The following HPGDS variants were observed in gnomAD, a reference collection of about 807,000 sequenced individuals.
HPGDS encodes the protein GST class-sigma.
Under a neutral mutation model 23.1 loss-of-function variants are expected in HPGDS, and 26 were observed. The observed-to-expected ratio is 1.13, with a 90% confidence interval of 0.83 to 1.56. HPGDS has a LOEUF of 1.56. Ranked by LOEUF, HPGDS falls within the 40% of genes most tolerant of loss-of-function variation. The probability of loss-of-function intolerance (pLI) is 0.00; values close to 1 mark genes in which losing one functional copy is unlikely to be tolerated. For missense variants in HPGDS, 268 were observed against 236.4 expected (o/e 1.13, Z -0.88); for synonymous variants, 95 against 77.9 (o/e 1.22, Z -1.16).
At chr4:94,337,100 G>A (rs1183908725) in intron 1 of HPGDS, among the ~76,000 whole-genome samples, 1 of 152,046 alleles carries the variant, frequency 6.6e-6, no homozygotes, top group Non-Finnish European at 1.5e-5. Context: ...GAGTAGCTGG[G>A]ATTACAGGCA....
chr4:94,310,411 TG>T (rs1756240319), intron 3 of HPGDS, among the ~76,000 whole-genome samples: 1 of 152,326 alleles, frequency 6.6e-6, no homozygotes, highest in Non-Finnish European at 1.5e-5. Context: ...TTCTTGTTTT[TG>T]TCAGGTTTGT....
At chr4:94,320,085 A>T (rs1423169096) in intron 2 of HPGDS, among the ~76,000 whole-genome samples, 15 of 152,218 alleles carry the variant, frequency 9.9e-5, no homozygotes, top group African/African-American at 2.4e-5. Flanking sequence ...TACAAAGGAC[A>T]TGAACTCATC....
chr4:94,324,765 T>G (rs774323733), intron 2 of HPGDS, among the ~76,000 whole-genome samples: 2 of 152,236 alleles, frequency 1.3e-5, no homozygotes, highest in Admixed American at 1.3e-4. Context: ...TTATGTCAAC[T>G]CGTCAAAGTC....
At chr4:94,326,617 A>T (rs550775565) in intron 2 of HPGDS, among the ~76,000 whole-genome samples, 11 of 151,742 alleles carry the variant, frequency 7.2e-5, no homozygotes, top group African/African-American at 2.7e-4. Context: ...TGTCTTCCTG[A>T]TTTCTTTGTA....
intron 2 of HPGDS, among the ~76,000 whole-genome samples, chr4:94,322,386 T>G (rs996351312): frequency 6.6e-6 from 1 of 152,222 alleles, no homozygotes; most frequent in African/African-American, 2.4e-5. Context: ...TGAATCCACC[T>G]GGTCCTGGAC....
intron 2 of HPGDS, among the ~76,000 whole-genome samples, chr4:94,332,090 T>TAGAG (rs1003672265): frequency 2.9e-4 from 44 of 152,018 alleles, no homozygotes; most frequent in Admixed American, 2.2e-3. Context: ...ACTCAGTTGG[T>TAGAG]AGAGGAAAGA....
rs1560595934 is a variant in HPGDS at position 94,334,618 on chromosome 4, G to A, written c.12C>T (p.Tyr4=). 2 of 1,612,858 alleles carry A rather than the reference G, an allele frequency of 1.2e-6. No homozygotes were observed. Among genetic ancestry groups the A allele is most frequent in the Non-Finnish European group, 1.7e-6 (2 of 1,179,592 alleles). The part of the protein sequence containing the change: MPN[Y]KLTYFNMRGR... ...CCCTCATATTAAAATAAGTGAGTTTGTAGTTTGGCATGGTGCAATTCTGGA... is the reference window on the plus strand; with the variant it reads ...CCCTCATATTAAAATAAGTGAGTTTATAGTTTGGCATGGTGCAATTCTGGA... The change falls in exon 2 of 6, where the codon TAC becomes TAT. Residue 4 remains tyrosine (Y), a synonymous_variant. Transcript: ENST00000295256.
chr4:94,310,204 C>A (rs1302040294), intron 3 of HPGDS, among the ~76,000 whole-genome samples: 1 of 152,130 alleles, frequency 6.6e-6, no homozygotes, highest in Non-Finnish European at 1.5e-5. Flanking sequence ...AAGTCCCTGC[C>A]CATGCCTATA....
At chr4:94,315,157 G>C (rs896692515) in intron 3 of HPGDS, among the ~76,000 whole-genome samples, 9 of 146,762 alleles carry the variant, frequency 6.1e-5, no homozygotes, top group Non-Finnish European at 1.4e-4. Context: ...TGCACCTACT[G>C]TCTGACAATC....
rs944145571 is a variant in HPGDS, at chr4:94,298,934, A to G, written c.*546T>C. 6.6e-6 allele frequency: 1 copy of G among 152,208 alleles called. No individual in the cohort carries two copies. The allele number at this position is 152,208 out of a possible 1,614,324, so 9.4% of individuals were successfully genotyped here. ...TTTTTGTAAAATGTCAAAGGGATTT[A>G]TCACTGGGCCACAAGCAGGCAATAG... On this transcript the variant is annotated 3_prime_UTR_variant, in exon 6 of 6. Transcript: ENST00000295256.
At chr4:94,340,309 C>CTTTCTTTCTTTCTTTTTCTTT (rs1560597992) in intron 1 of HPGDS, among the ~76,000 whole-genome samples, 3 of 28,794 alleles carry the variant, frequency 1.0e-4, no homozygotes, top group South Asian at 1.8e-3. Context: ...TTCTTTCTTT[C>CTTTCTTTCTTTCTTTTTCTTT]TCTTTTTTTT....
At chr4:94,326,819 T>G (rs1362673358) in intron 2 of HPGDS, among the ~76,000 whole-genome samples, 1 of 152,210 alleles carries the variant, frequency 6.6e-6, no homozygotes, top group East Asian at 1.9e-4. Flanking sequence ...GTATCTGGTA[T>G]AGTAGTCGCT....
chr4:94,331,361 T>G (rs1409872766), intron 2 of HPGDS, among the ~76,000 whole-genome samples: 1 of 152,242 alleles, frequency 6.6e-6, no homozygotes, highest in Non-Finnish European at 1.5e-5. Context: ...CTAAATCATC[T>G]TGGTTTCCTC....
chr4:94,321,401 A>C (rs563805520), intron 2 of HPGDS, among the ~76,000 whole-genome samples: 1 of 152,208 alleles, frequency 6.6e-6, no homozygotes, highest in East Asian at 1.9e-4. Context: ...ATGAGCATGG[A>C]ATGTTCTTCC....
intron 4 of HPGDS, among the ~76,000 whole-genome samples, chr4:94,306,528 G>C (rs1318048566): frequency 1.3e-5 from 2 of 151,940 alleles, no homozygotes; most frequent in East Asian, 3.9e-4. Flanking sequence ...TCCTTAAATG[G>C]CTCAGGAAAT....
At chr4:94,342,771 G>A (rs1432588123) in intron 1 of HPGDS, 24 bp downstream of exon 1, 3 of 152,094 alleles carry the variant, frequency 2.0e-5, no homozygotes, top group Admixed American at 1.3e-4. Flanking sequence ...TATTACCTAT[G>A]TGGAGTTCAG....
intron 2 of HPGDS, among the ~76,000 whole-genome samples, chr4:94,318,579 G>A (rs1756441739): frequency 6.6e-6 from 1 of 151,792 alleles, no homozygotes; most frequent in Non-Finnish European, 1.5e-5. Context: ...TTCCACTGTG[G>A]TCTGAGAAAA....
chr4:94,342,207 G>T (rs1251870303), intron 1 of HPGDS, among the ~76,000 whole-genome samples: 1 of 151,572 alleles, frequency 6.6e-6, no homozygotes, highest in African/African-American at 2.4e-5. Context: ...TAAAGCCAAA[G>T]CAAGAGGAAT....
chr4:94,305,072 C>A (rs965428221), intron 4 of HPGDS, among the ~76,000 whole-genome samples: 1 of 152,006 alleles, frequency 6.6e-6, no homozygotes, highest in Non-Finnish European at 1.5e-5. Flanking sequence ...ACAATTAACA[C>A]CAAAGTATAT....
Sources: allele counts gnomAD v4.1 joint callset (sites outside exome capture counted in the v4.1 genomes callset), GRCh38; gene constraint gnomAD v4.1.1; transcripts MANE v1.5; gene names NCBI Gene and HGNC (gene_info 2026-07-23, HGNC 2026-07-21).